Variants in TYW1 observed in about 807,000 individuals in gnomAD.
TYW1 encodes the protein tRNA-yW synthesizing protein 1 homolog.
TYW1 carries 46 observed loss-of-function variants against 96.2 expected under a neutral mutation model. The ratio of observed to expected loss-of-function variants is 0.48; its 90% confidence interval spans 0.38 to 0.61. TYW1 has a LOEUF of 0.61. Among genes scored for constraint, TYW1 ranks in the 20% least tolerant of loss-of-function variants. TYW1 has a pLI of 0.00. For synonymous variants in TYW1, 274 were observed against 323.0 expected (o/e 0.85, Z 1.63); for missense variants, 684 against 909.6 (o/e 0.75, Z 3.19).
At chr7:67,137,978 A>G (rs901293016) in intron 13 of TYW1, among the ~76,000 whole-genome samples, 2 of 152,200 alleles carry the variant, frequency 1.3e-5, no homozygotes, top group Admixed American at 6.6e-5. Context: ...TTTTGGACTA[A>G]GAAACCTGGG....
chr7:67,018,250 A>G (rs1794097345), intron 6 of TYW1, 107 bp downstream of exon 6: 3 of 1,436,234 alleles, frequency 2.1e-6, no homozygotes, highest in Non-Finnish European at 2.8e-6. Context: ...GGTTAGAAGG[A>G]AGATCTGGCT....
At chr7:66,997,970 A>T (rs1210703149) in intron 1 of TYW1, 95 bp from the exon 2 acceptor site, 8 of 1,425,724 alleles carry the variant, frequency 5.6e-6, no homozygotes, top group Admixed American at 2.6e-5. Flanking sequence ...TGGGTTGTTG[A>T]ATGTAAGGTT....
At chr7:67,030,530 G>A (rs973596967) in intron 7 of TYW1, among the ~76,000 whole-genome samples, 6 of 152,172 alleles carry the variant, frequency 3.9e-5, no homozygotes, top group Non-Finnish European at 7.3e-5. Flanking sequence ...TACTCAGGAG[G>A]CTGAGGCAGG....
intron 13 of TYW1, among the ~76,000 whole-genome samples, chr7:67,143,635 C>G (rs537547167): frequency 6.6e-6 from 1 of 152,030 alleles, no homozygotes; most frequent in Non-Finnish European, 1.5e-5. Flanking sequence ...AGCATGGGGT[C>G]AGATGGGGAG....
intron 6 of TYW1, among the ~76,000 whole-genome samples, chr7:67,019,842 T>C (rs1794180047): frequency 2.0e-5 from 3 of 152,416 alleles, no homozygotes; most frequent in African/African-American, 7.2e-5. Context: ...TGATTAGCTA[T>C]GCACTGTTGA....
chr7:67,000,556 C>A (rs934688674), intron 3 of TYW1, among the ~76,000 whole-genome samples: 7 of 152,094 alleles, frequency 4.6e-5, no homozygotes, highest in African/African-American at 1.4e-4. Context: ...GCCTCAGCCT[C>A]CTAAAGTGCT....
chr7:67,029,409 G>GATACA (rs1794579561), intron 7 of TYW1, among the ~76,000 whole-genome samples: 1 of 107,142 alleles, frequency 9.3e-6, no homozygotes, highest in South Asian at 2.9e-4. Context: ...GTGTGTGTGT[G>GATACA]TGTGTGTATA....
At chr7:67,185,066 C>T (rs573590869) in intron 14 of TYW1, among the ~76,000 whole-genome samples, 205 of 152,090 alleles carry the variant, frequency 1.3e-3, no homozygotes, top group Admixed American at 3.6e-3. Context: ...GGGGTAAGGG[C>T]GTTCCAGGCA....
intron 13 of TYW1, among the ~76,000 whole-genome samples, chr7:67,157,317 G>A (rs13239383): frequency 2.0e-5 from 3 of 152,096 alleles, no homozygotes; most frequent in Admixed American, 6.5e-5. Flanking sequence ...ATGGAGTCTC[G>A]CTCTGTCACC....
intron 7 of TYW1, among the ~76,000 whole-genome samples, chr7:67,042,221 A>G (rs1795052027): frequency 6.7e-6 from 1 of 149,452 alleles, no homozygotes; most frequent in African/African-American, 2.4e-5. Flanking sequence ...GAATTAGAAT[A>G]TATTAACTAT....
intron 13 of TYW1, among the ~76,000 whole-genome samples, chr7:67,164,833 T>C (rs534352916): frequency 3.3e-5 from 5 of 152,032 alleles, no homozygotes; most frequent in Non-Finnish European, 7.4e-5. Flanking sequence ...TCATAAATCA[T>C]CTAGCCATTC....
intron 15 of TYW1, among the ~76,000 whole-genome samples, chr7:67,221,861 C>CTTT (rs58609089): frequency 1.2e-4 from 18 of 144,334 alleles, no homozygotes; most frequent in South Asian, 2.2e-4. Flanking sequence ...TAATACTTGT[C>CTTT]TTTTTTTTTT....
At chr7:67,104,347 G>T (rs1187822170) in intron 12 of TYW1, among the ~76,000 whole-genome samples, 1 of 152,212 alleles carries the variant, frequency 6.6e-6, no homozygotes, top group Non-Finnish European at 1.5e-5. Flanking sequence ...ATGGCAGAAG[G>T]CAAAGGGGAA....
intron 7 of TYW1, among the ~76,000 whole-genome samples, chr7:67,039,809 C>T (rs1348638485): frequency 3.3e-5 from 5 of 151,106 alleles, no homozygotes; most frequent in South Asian, 2.1e-4. Context: ...ACTACAGGTA[C>T]GTGCCACCAC....
At chr7:67,082,270 C>T (rs980176439) in intron 10 of TYW1, among the ~76,000 whole-genome samples, 11 of 152,102 alleles carry the variant, frequency 7.2e-5, no homozygotes, top group Non-Finnish European at 1.6e-4. Context: ...GAGTAGTTTT[C>T]GTAGGGAAAG....
rs368618506 is a variant in TYW1, at chr7:66,996,932, G to C, written c.-47G>C. The C allele has an allele frequency of 3.7e-6, 6 of 1,613,720 alleles. No individual in the cohort carries two copies. The highest frequency in any genetic ancestry group is 4.2e-6 in the Non-Finnish European group (5 of 1,179,846). ...TCTCGCGGTACCAGTGCGAATCATC[G>C]GGCTATCCAGGTCCGAGATCCTAGT... On this transcript the variant is annotated 5_prime_UTR_variant, in exon 1 of 16. Coordinates refer to ENST00000359626, the MANE Select transcript of TYW1 (RefSeq NM_018264.4).
At chr7:67,156,478 A>T (rs1238123790) in intron 13 of TYW1, among the ~76,000 whole-genome samples, 1 of 152,182 alleles carries the variant, frequency 6.6e-6, no homozygotes, top group African/African-American at 2.4e-5. Context: ...GCTACTGGTG[A>T]CTGTGGCCCT....
intron 13 of TYW1, among the ~76,000 whole-genome samples, chr7:67,142,815 G>A (rs537533145): frequency 6.6e-6 from 1 of 152,208 alleles, no homozygotes; most frequent in Non-Finnish European, 1.5e-5. Context: ...TTTTTGGGAG[G>A]CTGAGGTGGG....
chr7:67,182,139 A>G (rs894858656), intron 13 of TYW1, among the ~76,000 whole-genome samples: 1 of 152,188 alleles, frequency 6.6e-6, no homozygotes, highest in Non-Finnish European at 1.5e-5. Context: ...TTAAGCCATT[A>G]TTAATAATGT....
Sources: gnomAD v4.1 joint callset for allele counts (sites outside exome capture counted in the v4.1 genomes callset) on GRCh38, gnomAD v4.1.1 for gene constraint, MANE v1.5 for transcripts, NCBI Gene and HGNC (gene_info 2026-07-23, HGNC 2026-07-21) for gene names.